CABIN1: variants seen among roughly 807,000 people sequenced by gnomAD.
CABIN1 encodes the protein calcineurin binding protein 1, also known as calcineurin-binding protein cabin-1.
Under a neutral mutation model 227.7 loss-of-function variants are expected in CABIN1, and 133 were observed. The ratio of observed to expected loss-of-function variants is 0.58; its 90% CI spans 0.51 to 0.67. The LOEUF (loss-of-function observed/expected upper bound fraction) is 0.67, where lower values mean the gene tolerates loss of function less well. Among genes scored for constraint, CABIN1 ranks in the 30% least tolerant of loss-of-function variants. CABIN1 has a pLI of 0.00. For synonymous variants in CABIN1, 1,086 were observed against 1,155.1 expected (o/e 0.94, Z 1.21); for missense variants, 2,408 against 2,852.5 (o/e 0.84, Z 3.55).
chr22:24,020,556 C>T (rs184038653), intron 1 of CABIN1, among the ~76,000 whole-genome samples: 69 of 152,258 alleles, frequency 4.5e-4, no homozygotes, highest in African/African-American at 1.6e-3. Context: ...ACTCCTGCCT[C>T]AGCCTCCCAA....
chr22:24,031,322 TCC>T (rs1321306583), intron 1 of CABIN1, among the ~76,000 whole-genome samples: 1 of 152,158 alleles, frequency 6.6e-6, no homozygotes, highest in Non-Finnish European at 1.5e-5. Flanking sequence ...ACATGGGGAA[TCC>T]CAGCTAAGTC....
At chr22:24,066,913 C>A in intron 15 of CABIN1, 74 bp from the exon 16 acceptor site, 1 of 1,459,162 alleles carries the variant, frequency 6.9e-7, no homozygotes, top group Non-Finnish European at 9.6e-7. Flanking sequence ...CTGATAAAAA[C>A]AAACACTGGC....
chr22:24,063,006 C>T lies in CABIN1; in HGVS notation c.1744C>T (p.Pro582Ser). The T allele has an allele frequency of 1.2e-5, 19 of 1,614,186 alleles. No homozygotes were observed. The highest frequency in any genetic ancestry group is 1.6e-5 in the Non-Finnish European group (19 of 1,180,026). ...PAGMVNGRFG[P>S]DFPGTHCLGD... Reference sequence around the variant, plus strand: ...TGGTATGGTGAATGGCAGATTTGGACCTGACTTCCCAGGGACCCACTGCCT... The same window carrying T: ...TGGTATGGTGAATGGCAGATTTGGATCTGACTTCCCAGGGACCCACTGCCT... The change falls in exon 14 of 37, where the codon CCT becomes TCT. Residue 582 changes from proline to serine, a missense_variant. By Grantham distance (74) the Pro-to-Ser change is moderately conservative (BLOSUM62 -1). This residue lies in a region of CABIN1 where 1,045 missense variants were observed against 1,168.4 expected (regional missense o/e 0.89). Coordinates refer to ENST00000263119, the MANE Select transcript of CABIN1 (RefSeq NM_012295.4).
chr22:24,029,270 C>T (rs2146787874), intron 1 of CABIN1, among the ~76,000 whole-genome samples: 1 of 152,340 alleles, frequency 6.6e-6, no homozygotes, highest in Non-Finnish European at 1.5e-5. Context: ...ATGAGAATCA[C>T]TTGAACCCAG....
chr22:24,031,449 A>G (rs1876921367), intron 1 of CABIN1, among the ~76,000 whole-genome samples: 1 of 152,236 alleles, frequency 6.6e-6, no homozygotes, highest in South Asian at 2.1e-4. Context: ...GACACAACTC[A>G]GCCACACTCT....
chr22:24,160,949 A>G (rs2046118072), intron 29 of CABIN1, among the ~76,000 whole-genome samples: 1 of 152,176 alleles, frequency 6.6e-6, no homozygotes, highest in African/African-American at 2.4e-5. Context: ...TTCCCAAATC[A>G]TAGCAGTCAT....
chr22:24,171,502 G>A (rs1201455510), intron 33 of CABIN1, among the ~76,000 whole-genome samples: 1 of 152,214 alleles, frequency 6.6e-6, no homozygotes, highest in Non-Finnish European at 1.5e-5. Flanking sequence ...GTCTCCAGCT[G>A]TGTCCTAGCA....
In CABIN1 at chr22:24,042,891, G is replaced by A. The variant is rs1321316437; in HGVS notation, c.346-13G>A. On this transcript the variant is annotated splice_polypyrimidine_tract_variant and intron_variant, in intron 5 of 36. Transcript: ENST00000263119. ...GTGTGTGTGTGTTTGCCCTCTGCTT[G>A]TGTCGCTTCCAGGCAGTGATGCTGG... is the stretch of plus-strand genomic sequence containing the variant. 3 of 1,488,952 alleles carry A rather than the reference G, an allele frequency of 2.0e-6. No individual in the cohort carries two copies. In the African/African-American group the frequency reaches 5.1e-5, roughly 25 times the overall value. 92.2% of individuals were successfully genotyped at this position (1,488,952 alleles called of 1,614,324 possible). A position where few individuals can be genotyped will look rare whatever the true frequency, so the allele number is the denominator to read the frequency against.
intron 28 of CABIN1, among the ~76,000 whole-genome samples, chr22:24,124,362 G>A (rs1261263186): frequency 6.6e-6 from 1 of 152,124 alleles, no homozygotes; most frequent in Admixed American, 6.5e-5. Flanking sequence ...CCCTCTGAGG[G>A]CTCCCTGCCT....
At chr22:24,082,188 C>T (rs144141456) in intron 19 of CABIN1, among the ~76,000 whole-genome samples, 128 of 150,108 alleles carry the variant, frequency 8.5e-4, no homozygotes, top group African/African-American at 2.8e-3. Flanking sequence ...CTCCTGGGCT[C>T]GAGCAGTCTT....
At chr22:24,063,245 T>A in intron 14 of CABIN1, 99 bp downstream of exon 14, 3 of 1,195,288 alleles carry the variant, frequency 2.5e-6, no homozygotes, top group Admixed American at 3.5e-5. Flanking sequence ...TATGTGTGTG[T>A]GTGTGTGTGT....
Position 24,098,039 on chromosome 22 carries a change from G to A in CABIN1, c.3964G>A (p.Asp1322Asn). Residue 1322 changes from aspartate to asparagine, a missense_variant, in exon 26 of 37, where the codon GAC (aspartate) becomes AAC (asparagine). Transcript: ENST00000263119. ...GGAGAAGGCCTGCCTGGTGGACGAGGACTCCCACTCTTCAGCTGGGACACT... is the reference window on the plus strand; with the variant it reads ...GGAGAAGGCCTGCCTGGTGGACGAGAACTCCCACTCTTCAGCTGGGACACT... Reference protein sequence around the residue: ...EKEKACLVDEDSHSSAGTLPG... With the variant: ...EKEKACLVDENSHSSAGTLPG... The A allele has an allele frequency of 1.2e-6, 2 of 1,614,158 alleles. No homozygotes were observed. Among genetic ancestry groups the A allele is most frequent in the Non-Finnish European group, 1.7e-6 (2 of 1,180,038 alleles).
rs1795151858 is a variant in CABIN1, at chr22:24,164,400, G to A, written c.4747G>A (p.Gly1583Ser). The A allele has an allele frequency of 6.2e-7, 1 of 1,602,578 alleles. No individual in the cohort carries two copies. Among genetic ancestry groups the A allele is most frequent in the Non-Finnish European group, 8.5e-7 (1 of 1,179,946 alleles). Residue 1583 changes from glycine to serine, a missense_variant and splice_region_variant, in exon 30 of 37, where the codon GGC becomes AGC. Physicochemically the swap from Gly to Ser is moderately conservative, Grantham distance 56 (BLOSUM62 0). Transcript: ENST00000263119. The stretch of plus-strand genomic sequence containing the variant: ...CACACCTGTGCCATCCATCCCACAG[G>A]GCATCTGGCGGATCCCCGTGGACGA... ...CERNKTNFFN[G>S]IWRIPVDEID...
Position 24,178,179 on chromosome 22 carries a change from G to T in CABIN1, c.6646G>T (p.Asp2216Tyr). 1 of 1,613,230 alleles carries T rather than the reference G, an allele frequency of 6.2e-7. No individual in the cohort carries two copies. Among genetic ancestry groups the T allele is most frequent in the South Asian group, 1.1e-5 (1 of 91,062 alleles). Residue 2216 changes from aspartate (D) to tyrosine (Y), a missense_variant, in exon 37 of 37, where the codon GAC becomes TAC. By Grantham distance (160) the Asp-to-Tyr change is radical. Transcript: ENST00000263119. ...SLESETDEDD[D>Y]YMDI is the part of the protein sequence containing the mutation. ...GGAGAGCGAGACAGACGAGGACGACGACTACATGGACATTTGAGGGGCCAC... is the reference window on the plus strand; with the variant it reads ...GGAGAGCGAGACAGACGAGGACGACTACTACATGGACATTTGAGGGGCCAC...
At chr22:24,068,611 T>C (rs1010479087) in intron 16 of CABIN1, among the ~76,000 whole-genome samples, 13 of 152,384 alleles carry the variant, frequency 8.5e-5, no homozygotes, top group Admixed American at 7.8e-4. Context: ...TGATTATTGC[T>C]CAGTTTTGTA....
intron 26 of CABIN1, among the ~76,000 whole-genome samples, chr22:24,108,815 C>G (rs370218863): frequency 2.6e-5 from 4 of 152,306 alleles, no homozygotes; most frequent in Admixed American, 1.3e-4. Context: ...TGTTGCCCCC[C>G]CATCTACATG....
intron 28 of CABIN1, among the ~76,000 whole-genome samples, chr22:24,130,777 T>G (rs1178954396): frequency 6.6e-6 from 1 of 152,176 alleles, no homozygotes; most frequent in Non-Finnish European, 1.5e-5. Context: ...GGACACTTTG[T>G]GCCTTAGCAT....
In CABIN1 at chr22:24,064,203, C is replaced by T. The variant is rs773230953; in HGVS notation, c.2037+16C>T. The T allele has an allele frequency of 4.3e-6, 7 of 1,613,958 alleles. No individual in the cohort carries two copies. Among genetic ancestry groups the T allele is most frequent in the African/African-American group, 1.3e-5 (1 of 75,038 alleles). Reference sequence around the variant, plus strand: ...CCTGGAGGAGGTAAGTGAGAATTTTCGTTTGTTTGTTTGTTTCCTGAGATG... The same window carrying T: ...CCTGGAGGAGGTAAGTGAGAATTTTTGTTTGTTTGTTTGTTTCCTGAGATG... On this transcript the variant is annotated intron_variant, in intron 15 of 36. Transcript: ENST00000263119.
intron 32 of CABIN1, among the ~76,000 whole-genome samples, chr22:24,167,594 G>A (rs1021755393): frequency 6.6e-6 from 1 of 152,238 alleles, no homozygotes; most frequent in Non-Finnish European, 1.5e-5. Flanking sequence ...ACATCTTAGG[G>A]CATTTCCTTC....
Sources: allele counts gnomAD v4.1 joint callset (sites outside exome capture counted in the v4.1 genomes callset), GRCh38; gene constraint gnomAD v4.1.1; regional missense constraint gnomAD v4.1.1; transcripts MANE v1.5; gene names NCBI Gene and HGNC (gene_info 2026-07-23, HGNC 2026-07-21).